PCDH9: variants seen among roughly 807,000 people sequenced by gnomAD.
The protein encoded by PCDH9 is protocadherin 9.
In PCDH9, 24 loss-of-function variants were observed where a neutral mutation model predicts 70.6. The observed-to-expected ratio is 0.34, with a 90% confidence interval of 0.25 to 0.48. PCDH9 has a LOEUF of 0.48. PCDH9 is among the 20% of genes least tolerant of loss of function. The pLI is 0.99. For missense variants in PCDH9, 1,281 were observed against 1,503.6 expected, an observed-to-expected ratio of 0.85 and a Z score of 2.45; for synonymous variants, 562 against 558.5, an observed-to-expected ratio of 1.01 and a Z score of -0.09.
At chr13:66,875,693 G>T (rs1361795786) in intron 3 of PCDH9, among the ~76,000 whole-genome samples, 1 of 152,066 alleles carries the variant, frequency 6.6e-6, no homozygotes, top group Non-Finnish European at 1.5e-5. Context: ...CCATATGTTT[G>T]TCATCTAGAT....
intron 3 of PCDH9, among the ~76,000 whole-genome samples, chr13:66,830,902 A>G (rs560882590): frequency 5.3e-5 from 8 of 152,332 alleles, no homozygotes; most frequent in African/African-American, 1.9e-4. Context: ...TTACTTTTTA[A>G]GTTTTATATT....
rs573960405 is a variant in PCDH9, at chr13:66,947,721, T to C, written c.3037-44116A>G. ...TAATTTTCTCAGAAATAATAAATCA[T>C]TTATTTCTGCTAATAACTTGGATAT... On this transcript the variant is annotated intron_variant, in intron 2 of 4. Coordinates refer to ENST00000377865, the MANE Select transcript of PCDH9 (RefSeq NM_203487.3). 4.6e-5 allele frequency among the ~76,000 whole-genome samples: 7 copies of C among 152,254 alleles called. No homozygotes were observed. In the South Asian group the frequency reaches 8.3e-4, roughly 18 times the overall value.
intron 2 of PCDH9, among the ~76,000 whole-genome samples, chr13:67,071,086 A>G (rs1464880825): frequency 6.6e-6 from 1 of 152,156 alleles, no homozygotes; most frequent in Non-Finnish European, 1.5e-5. Flanking sequence ...ATTTTCTTCT[A>G]AGGAAAATCA....
chr13:67,110,424 G>A (rs1310131016), intron 2 of PCDH9, among the ~76,000 whole-genome samples: 2 of 146,490 alleles, frequency 1.4e-5, no homozygotes, highest in African/African-American at 2.5e-5. Context: ...TGAGGCAGGA[G>A]AGTTGCCTGA....
chr13:66,802,514 A>G (rs949202783), intron 3 of PCDH9, among the ~76,000 whole-genome samples: 3 of 152,088 alleles, frequency 2.0e-5, no homozygotes, highest in African/African-American at 7.2e-5. Flanking sequence ...TCTTAAAGAC[A>G]ATGGAGAATC....
chr13:66,490,089 T>A (rs1398459120), intron 4 of PCDH9, among the ~76,000 whole-genome samples: 1 of 152,180 alleles, frequency 6.6e-6, no homozygotes, highest in Non-Finnish European at 1.5e-5. Context: ...CATTAACTCA[T>A]CACTTACATT....
intron 4 of PCDH9, among the ~76,000 whole-genome samples, chr13:66,386,683 A>G (rs1321725838): frequency 6.6e-6 from 1 of 152,150 alleles, no homozygotes; most frequent in African/African-American, 2.4e-5. Context: ...AGTGATTGGC[A>G]GGAAGGGCTA....
At chr13:67,196,667 T>C (rs1183238602) in intron 2 of PCDH9, among the ~76,000 whole-genome samples, 1 of 152,060 alleles carries the variant, frequency 6.6e-6, no homozygotes, top group South Asian at 2.1e-4. Flanking sequence ...TTTTAATGTA[T>C]GATTGTGTAA....
chr13:66,841,060 G>A (rs2081109011), intron 3 of PCDH9, among the ~76,000 whole-genome samples: 2 of 152,070 alleles, frequency 1.3e-5, no homozygotes, highest in South Asian at 4.1e-4. Context: ...AATAAAAACT[G>A]TAGCATGAAG....
intron 3 of PCDH9, among the ~76,000 whole-genome samples, chr13:66,821,724 C>G (rs9540924): frequency 0.12 from 17,524 of 152,062 alleles, 1,239 homozygotes; most frequent in Middle Eastern, 0.18. Context: ...TTGTTTCATA[C>G]GAAATCATTA....
chr13:66,933,070 A>G (rs974270649), intron 2 of PCDH9, among the ~76,000 whole-genome samples: 2 of 151,850 alleles, frequency 1.3e-5, no homozygotes, highest in African/African-American at 4.8e-5. Flanking sequence ...GACACTCGTT[A>G]TATTTTGTTA....
At chr13:66,972,537 T>C (rs1448876367) in intron 2 of PCDH9, among the ~76,000 whole-genome samples, 2 of 151,974 alleles carry the variant, frequency 1.3e-5, no homozygotes, top group East Asian at 3.9e-4. Flanking sequence ...CCTTAATAAA[T>C]GACTTTTGCT....
intron 2 of PCDH9, among the ~76,000 whole-genome samples, chr13:67,043,684 C>T (rs1396851307): frequency 2.0e-5 from 3 of 152,046 alleles, no homozygotes; most frequent in Non-Finnish European, 2.9e-5. Context: ...GCTCATTTAA[C>T]AAGAATCCAT....
intron 2 of PCDH9, among the ~76,000 whole-genome samples, chr13:66,990,070 T>C (rs73505402): frequency 0.018 from 2,803 of 151,968 alleles, 82 homozygotes; most frequent in African/African-American, 0.065. Flanking sequence ...AAAAAATGTT[T>C]TGGGTTTCTT....
intron 2 of PCDH9, among the ~76,000 whole-genome samples, chr13:67,170,370 A>G (rs1443607737): frequency 1.3e-5 from 2 of 152,182 alleles, no homozygotes; most frequent in Non-Finnish European, 2.9e-5. Flanking sequence ...TTTCGCATAA[A>G]GTTTCAAAAT....
Position 67,135,689 on chromosome 13 carries a change from C to T in PCDH9, c.3036+89716G>A, listed in dbSNP as rs1406849359. 2.6e-5 allele frequency among the ~76,000 whole-genome samples: 4 copies of T among 151,980 alleles called. No homozygotes were observed. In the East Asian group the frequency reaches 5.8e-4, roughly 22 times the overall value. ...AATGGACAAGGAGAATTTGAAAATA[C>T]GTGCAGTCAATTTACAAGGAGTCAA... On this transcript the variant is annotated intron_variant, in intron 2 of 4. Coordinates refer to ENST00000377865, the MANE Select transcript of PCDH9 (RefSeq NM_203487.3).
chr13:66,428,293 G>C (rs933983370), intron 4 of PCDH9, among the ~76,000 whole-genome samples: 1 of 151,646 alleles, frequency 6.6e-6, no homozygotes, highest in African/African-American at 2.4e-5. Flanking sequence ...TCTCAGATAA[G>C]TAAAAACTAT....
At chr13:66,626,963 G>A (rs2077507631) in intron 4 of PCDH9, among the ~76,000 whole-genome samples, 1 of 151,706 alleles carries the variant, frequency 6.6e-6, no homozygotes, top group African/African-American at 2.4e-5. Flanking sequence ...GTGTGTGTGT[G>A]TGTGTGTGTG....
At chr13:66,968,704 A>T (rs1270137321) in intron 2 of PCDH9, among the ~76,000 whole-genome samples, 1 of 152,060 alleles carries the variant, frequency 6.6e-6, no homozygotes, top group Non-Finnish European at 1.5e-5. Context: ...ATTGTTAAAA[A>T]ATAGTCCAAG....
Sources: gnomAD v4.1 joint callset for allele counts (sites outside exome capture counted in the v4.1 genomes callset) on GRCh38, gnomAD v4.1.1 for gene constraint, MANE v1.5 for transcripts, NCBI Gene and HGNC (gene_info 2026-07-23, HGNC 2026-07-21) for gene names.